LARP1: variants seen among roughly 807,000 people sequenced by gnomAD.
LARP1 encodes the protein la-related protein 1.
LARP1 carries 36 observed loss-of-function variants against 122.7 expected under a neutral mutation model. The observed-to-expected ratio is 0.29, with a 90% CI of 0.22 to 0.39. The LOEUF (loss-of-function observed/expected upper bound fraction) is 0.39. Ranked by LOEUF, LARP1 falls within the 10% of genes least tolerant of loss-of-function variation. The probability of loss-of-function intolerance (pLI) is 1.00; values close to 1 mark genes in which losing one functional copy is unlikely to be tolerated. For synonymous variants in LARP1, 539 were observed against 528.7 expected (o/e 1.02, Z -0.27); for missense variants, 1,040 against 1,403.6 (o/e 0.74, Z 4.14).
chr5:154,700,030 G>A (rs1014508209), intron 1 of LARP1, among the ~76,000 whole-genome samples: 2 of 152,144 alleles, frequency 1.3e-5, no homozygotes, highest in African/African-American at 4.8e-5. Flanking sequence ...ATTTTTGGGT[G>A]GCTTTTCCTC....
chr5:154,736,118 T>C (rs955312110), intron 1 of LARP1, among the ~76,000 whole-genome samples: 1 of 151,242 alleles, frequency 6.6e-6, no homozygotes, highest in Non-Finnish European at 1.5e-5. Flanking sequence ...TTTTTTGAGA[T>C]GGAGTCTTGC....
At position 154,713,047 on chromosome 5, in the gene LARP1, T is replaced by G. The variant is rs755139217; in HGVS notation, c.122T>G (p.Leu41Trp). ...CCAGGGAGGAAAAACAGCGTGGCCT[T>G]GGCAGCTGCCCCGAGGAAGGAGCCC... is the stretch of plus-strand genomic sequence containing the variant. The change falls in exon 1 of 19, where the codon TTG becomes TGG. Residue 41 changes from leucine to tryptophan, a missense_variant. By Grantham distance (61) the Leu-to-Trp change is moderately conservative (BLOSUM62 -2). Transcript: ENST00000336314. 40 of 1,614,020 alleles carry G rather than the reference T, an allele frequency of 2.5e-5. No homozygotes were observed. The highest frequency in any genetic ancestry group is 3.3e-5 in the Non-Finnish European group (39 of 1,180,016).
chr5:154,763,309 A>G (rs1754630499), intron 1 of LARP1, among the ~76,000 whole-genome samples: 1 of 151,878 alleles, frequency 6.6e-6, no homozygotes, highest in African/African-American at 2.4e-5. Flanking sequence ...TGATCTGCCC[A>G]CTTCGGCCTC....
At chr5:154,782,121 CCCTT>C (rs960850643) in intron 1 of LARP1, among the ~76,000 whole-genome samples, 1 of 152,086 alleles carries the variant, frequency 6.6e-6, no homozygotes, top group Non-Finnish European at 1.5e-5. Flanking sequence ...TTGGGCGAGT[CCCTT>C]CCTTCAGTTT....
intron 15 of LARP1, among the ~76,000 whole-genome samples, chr5:154,807,746 G>A (rs560681134): frequency 9.4e-4 from 143 of 152,198 alleles, no homozygotes; most frequent in African/African-American, 3.3e-3. Context: ...AGAGACAGGG[G>A]TCTCACTATG....
rs757070815 is a variant in LARP1 at position 154,713,059 on chromosome 5, C to T, written c.134C>T (p.Pro45Leu). ...AACAGCGTGGCCTTGGCAGCTGCCCCGAGGAAGGAGCCCACAGGTGACAGG... is the reference window on the plus strand; with the variant it reads ...AACAGCGTGGCCTTGGCAGCTGCCCTGAGGAAGGAGCCCACAGGTGACAGG... Residue 45 changes from proline (P) to leucine (L), a missense_variant, in exon 1 of 19, where the codon CCG becomes CTG. Physicochemically the swap from Pro to Leu is moderately conservative, Grantham distance 98. Coordinates refer to the LARP1 transcript ENST00000336314. The T allele has an allele frequency of 9.3e-6, 15 of 1,614,050 alleles. No individual in the cohort carries two copies. The highest frequency in any genetic ancestry group is 6.7e-5 in the African/African-American group (5 of 74,908).
rs1325930088 is a variant in LARP1, at chr5:154,814,924, C to T, written c.*828C>T. 2 of 150,484 alleles carry T rather than the reference C, an allele frequency of 1.3e-5. No homozygotes were observed. The highest frequency in any genetic ancestry group is 1.3e-4 in the Admixed American group (2 of 15,116). 9.3% of individuals were successfully genotyped at this position (150,484 alleles called of 1,614,324 possible). A position where few individuals can be genotyped will look rare whatever the true frequency, so the allele number is the denominator to read the frequency against. On this transcript the variant is annotated 3_prime_UTR_variant, in exon 19 of 19. Transcript: ENST00000518297. ...CAAAAAAAAAAAAAAAATCAGAAAACCCCCACCTAATCCACAGAAAGTAAT... is the reference window on the plus strand; with the variant it reads ...CAAAAAAAAAAAAAAAATCAGAAAATCCCCACCTAATCCACAGAAAGTAAT...
At position 154,755,743 on chromosome 5, in the gene LARP1, G is replaced by A. The variant is rs1460765921; in HGVS notation, c.-15G>A. 5.1e-6 allele frequency: 5 copies of A among 987,590 alleles called. No individual in the cohort carries two copies. Among genetic ancestry groups the A allele is most frequent in the Non-Finnish European group, 6.0e-6 (5 of 830,454 alleles). The allele number at this position is 987,590 out of a possible 1,614,324, so 61.2% of individuals were successfully genotyped here. On this transcript the variant is annotated 5_prime_UTR_variant, in exon 1 of 19. Transcript: ENST00000518297. Reference sequence around the variant, plus strand: ...CTCGGGCGCGCCCGGCTTCTCCGGGGGGGCGGGCGCGCAGATGGCCACTCA... The same window carrying A: ...CTCGGGCGCGCCCGGCTTCTCCGGGAGGGCGGGCGCGCAGATGGCCACTCA...
At chr5:154,715,023 C>T (rs1208890569) in intron 1 of LARP1, among the ~76,000 whole-genome samples, 1 of 151,642 alleles carries the variant, frequency 6.6e-6, no homozygotes. Context: ...ACTAAAAATA[C>T]AAAAAAATTA....
In LARP1 at chr5:154,756,166, A is replaced by C. The variant is rs1753871747; in HGVS notation, c.409A>C (p.Thr137Pro). Residue 137 changes from threonine (T) to proline (P), a missense_variant, in exon 1 of 19, where the codon ACC becomes CCC. Physicochemically the swap from Thr to Pro is conservative, Grantham distance 38. This residue lies in a region of LARP1 where 257 missense variants were observed against 273.3 expected (regional missense o/e 0.94). Coordinates refer to ENST00000518297, the MANE Select transcript of LARP1 (RefSeq NM_033551.3). ...WTKNALPPVL[T>P]TVNGQSPPEH... ...TAAGAACGCATTGCCGCCGGTCCTG[A>C]CCACCGTGAACGGACAGTCCCCCCC... 1 of 1,313,244 alleles carries C rather than the reference A, an allele frequency of 7.6e-7. No individual in the cohort carries two copies. The highest frequency in any genetic ancestry group is 1.2e-5 in the South Asian group (1 of 84,004). 81.3% of individuals were successfully genotyped at this position (1,313,244 alleles called of 1,614,324 possible).
rs200905497 is a variant in LARP1, at chr5:154,786,524, A to AG, written c.437-3798dup. The AG allele has an allele frequency of 1.7e-3, 765 of 455,428 alleles. 13 individuals are homozygous for AG. In the East Asian group the frequency reaches 0.03, roughly 18 times the overall value. The allele number at this position is 455,428 out of a possible 1,614,324, so 28.2% of individuals were successfully genotyped here. On this transcript the variant is annotated intron_variant, in intron 1 of 18. Coordinates refer to ENST00000518297, the MANE Select transcript of LARP1 (RefSeq NM_033551.3). ...CTTAGTTGAGGAAGAAGACCCTCCT[A>AG]GGGACTCTGTCTGCCATCCACCCTG...
In LARP1 at chr5:154,814,329, TTC is replaced by T; in HGVS notation, c.*235_*236del. The T allele has an allele frequency of 2.5e-6, 1 of 393,846 alleles. No homozygotes were observed. The highest frequency in any genetic ancestry group is 4.6e-6 in the Non-Finnish European group (1 of 217,634). The allele number at this position is 393,846 out of a possible 1,614,324, so 24.4% of individuals were successfully genotyped here. ...TCTCCATGACTCTTGACATCCTAGC[TTC>T]TTCTAAGGGGGGAGGGAAAGGGGGG... On this transcript the variant is annotated 3_prime_UTR_variant, in exon 19 of 19. Transcript: ENST00000518297.
intron 1 of LARP1, chr5:154,685,758 G>A (rs1343118322): frequency 2.1e-6 from 1 of 485,276 alleles, no homozygotes; most frequent in Admixed American, 2.3e-5. Flanking sequence ...AACACTTGAG[G>A]CCGGGAGTTT....
chr5:154,699,019 G>GGATT (rs1347721308), intron 1 of LARP1, among the ~76,000 whole-genome samples: 1 of 152,184 alleles, frequency 6.6e-6, no homozygotes, highest in African/African-American at 2.4e-5. Flanking sequence ...ACAAGCTGTG[G>GGATT]GATTGCAGAG....
chr5:154,729,769 G>T, intron 1 of LARP1: 1 of 214,718 alleles, frequency 4.7e-6, no homozygotes. Flanking sequence ...TGTATTCCCA[G>T]CACACTATAC....
At chr5:154,725,321 G>A (rs917786618) in intron 1 of LARP1, among the ~76,000 whole-genome samples, 8 of 151,554 alleles carry the variant, frequency 5.3e-5, no homozygotes, top group Non-Finnish European at 7.4e-5. Context: ...CCTAGAAGGC[G>A]GAGGTTGCAG....
At chr5:154,757,634 A>G (rs973621513) in intron 1 of LARP1, among the ~76,000 whole-genome samples, 7 of 152,174 alleles carry the variant, frequency 4.6e-5, no homozygotes, top group African/African-American at 9.7e-5. Flanking sequence ...TCACCGTCAA[A>G]GGAGTAGAAG....
At chr5:154,813,813 G>A in intron 18 of LARP1, 74 bp from the exon 19 acceptor site, 1 of 1,244,670 alleles carries the variant, frequency 8.0e-7, no homozygotes, top group African/African-American at 1.5e-5. Context: ...AGTAGGAAGT[G>A]TCTAGACGGG....
At chr5:154,804,344 C>T (rs748885670) in intron 14 of LARP1, 37 bp downstream of exon 14, 3 of 1,478,422 alleles carry the variant, frequency 2.0e-6, no homozygotes, top group East Asian at 2.3e-5. Flanking sequence ...ATCAGGCTGC[C>T]TATGGGATGG....
Sources: allele counts gnomAD v4.1 joint callset (sites outside exome capture counted in the v4.1 genomes callset), GRCh38; gene constraint gnomAD v4.1.1; regional missense constraint gnomAD v4.1.1; transcripts MANE v1.5; gene names NCBI Gene and HGNC (gene_info 2026-07-23, HGNC 2026-07-21).